The following LRRFIP1 variants were observed in gnomAD, a reference collection of about 807,000 sequenced individuals.
The protein encoded by LRRFIP1 is LRR binding FLII interacting protein 1, also known as leucine-rich repeat flightless-interacting protein 1.
A neutral mutation model predicts 104.4 loss-of-function variants in LRRFIP1; 62 were observed. That is an observed-to-expected ratio of 0.59 (90% CI 0.48 to 0.73). The LOEUF is 0.73. Among genes scored for constraint, LRRFIP1 ranks in the 30% least tolerant of loss-of-function variants. LRRFIP1 has a pLI of 0.00. For synonymous variants in LRRFIP1, 300 were observed against 299.0 expected, an observed-to-expected ratio of 1.00 and a Z score of -0.03; for missense variants, 796 against 824.5, an observed-to-expected ratio of 0.97 and a Z score of 0.42.
chr2:237,732,362 G>T (rs938895190), intron 8 of LRRFIP1, among the ~76,000 whole-genome samples: 4 of 152,214 alleles, frequency 2.6e-5, no homozygotes, highest in Non-Finnish European at 5.9e-5. Flanking sequence ...TGGGCTTGCC[G>T]GTGGTGGCCT....
intron 20 of LRRFIP1, chr2:237,770,269 TTAAAA>T (rs1264611076): frequency 5.4e-6 from 2 of 373,004 alleles, no homozygotes; most frequent in Non-Finnish European, 9.9e-6. Context: ...GAATTGCTGC[TTAAAA>T]TAAATATAAA....
At chr2:237,632,789 GGA>G (rs138662600) in intron 1 of LRRFIP1, among the ~76,000 whole-genome samples, 60,694 of 151,816 alleles carry the variant, frequency 0.4, 12,501 homozygotes, top group South Asian at 0.45. Flanking sequence ...GGAGAGTCCA[GGA>G]CTGAGCCCAG....
Position 237,661,325 on chromosome 2 carries a change from G to T in LRRFIP1, c.96+33585G>T, listed in dbSNP as rs2087901489. On this transcript the variant is annotated intron_variant, in intron 1 of 23. Transcript: ENST00000308482. This position sits in a 1 kb window ranked among gnomAD's most constrained non-coding sequence, Gnocchi z 4.4. ...CAGTGGGGTGGGCCACATAATGGAG[G>T]CTGGACTGTGTGTCCAGTCCACCCA... Among the ~76,000 whole-genome samples, 1 of 152,134 alleles carries T rather than the reference G, an allele frequency of 6.6e-6. No homozygotes were observed. The highest frequency in any genetic ancestry group is 1.5e-5 in the Non-Finnish European group (1 of 68,020).
At chr2:237,662,302 T>C (rs1214338235) in intron 1 of LRRFIP1, among the ~76,000 whole-genome samples, 2 of 152,208 alleles carry the variant, frequency 1.3e-5, no homozygotes, top group Non-Finnish European at 2.9e-5. Context: ...CGACCTCATC[T>C]TAACTTGATT....
At chr2:237,746,494 G>A (rs2057878699) in intron 11 of LRRFIP1, among the ~76,000 whole-genome samples, 1 of 152,176 alleles carries the variant, frequency 6.6e-6, no homozygotes, top group Non-Finnish European at 1.5e-5. Flanking sequence ...CAAATGAGAT[G>A]GTGCCCATCT....
chr2:237,630,092 C>G (rs2082138295), intron 1 of LRRFIP1, among the ~76,000 whole-genome samples: 1 of 152,174 alleles, frequency 6.6e-6, no homozygotes, highest in Non-Finnish European at 1.5e-5. Flanking sequence ...AATATGAGAG[C>G]TTCTTACACG....
In LRRFIP1 at chr2:237,720,557, C is replaced by T. The variant is rs111761451; in HGVS notation, c.295-215C>T. The stretch of plus-strand genomic sequence containing the variant: ...GACACCACACCTGGCCCTGAAATTA[C>T]TTTAAATCCATATTGCCCATAAGCA... On this transcript the variant is annotated intron_variant, in intron 5 of 23. Coordinates refer to ENST00000308482, the MANE Select transcript of LRRFIP1 (RefSeq NM_001137550.2). Among the ~76,000 whole-genome samples, 1,339 of 152,264 alleles carry T rather than the reference C, an allele frequency of 8.8e-3. 19 individuals are homozygous for T. Among genetic ancestry groups the T allele is most frequent in the African/African-American group, 0.03 (1,243 of 41,536 alleles).
intron 1 of LRRFIP1, among the ~76,000 whole-genome samples, chr2:237,653,684 G>A (rs1050800796): frequency 6.6e-6 from 1 of 152,112 alleles, no homozygotes; most frequent in Non-Finnish European, 1.5e-5. Context: ...GAAGAATAGC[G>A]AGCCCAGAAA....
intron 8 of LRRFIP1, among the ~76,000 whole-genome samples, chr2:237,730,205 A>G (rs1305665775): frequency 6.6e-6 from 1 of 152,268 alleles, no homozygotes; most frequent in Non-Finnish European, 1.5e-5. Context: ...ACTACTTTGA[A>G]GAGTACATGC....
At chr2:237,632,299 G>T (rs2082488846) in intron 1 of LRRFIP1, among the ~76,000 whole-genome samples, 1 of 152,220 alleles carries the variant, frequency 6.6e-6, no homozygotes, top group African/African-American at 2.4e-5. Flanking sequence ...GTCACAAAAT[G>T]TCCCCCAGGC....
chr2:237,674,759 C>A (rs1261871177), intron 1 of LRRFIP1, among the ~76,000 whole-genome samples: 2 of 152,236 alleles, frequency 1.3e-5, no homozygotes, highest in East Asian at 3.8e-4. Context: ...GTGACCTCAG[C>A]ACCAATAGAA....
intron 9 of LRRFIP1, 108 bp downstream of exon 9, chr2:237,733,926 A>T (rs983931323): frequency 1.7e-5 from 20 of 1,186,760 alleles, no homozygotes; most frequent in Admixed American, 1.1e-4. Context: ...CCCTGGGGGA[A>T]GTTGCACCTT....
At chr2:237,697,465 C>T (rs1424162735) in intron 1 of LRRFIP1, among the ~76,000 whole-genome samples, 1 of 152,130 alleles carries the variant, frequency 6.6e-6, no homozygotes, top group Non-Finnish European at 1.5e-5. Context: ...TGATTTAAGC[C>T]TTTTTATTTT....
chr2:237,692,710 C>T (rs1463843182), intron 1 of LRRFIP1, among the ~76,000 whole-genome samples: 1 of 152,088 alleles, frequency 6.6e-6, no homozygotes. Context: ...GAGCGGCGTC[C>T]CTCATGCGCT....
chr2:237,772,763 T>C, intron 21 of LRRFIP1, 103 bp from the exon 22 acceptor site: 1 of 793,002 alleles, frequency 1.3e-6, no homozygotes, highest in East Asian at 2.5e-5. Flanking sequence ...CTAACAGATT[T>C]GTGAGATGAT....
rs945576064 is a variant in LRRFIP1, at chr2:237,766,355, C to T, written c.1460-3588C>T. ...TAAGTCCAAGGGCTCTATAGGACTT[C>T]ACAGGGTTTTAGTTTATGTCTCTAA... On this transcript the variant is annotated intron_variant, in intron 19 of 23. Coordinates refer to ENST00000308482, the MANE Select transcript of LRRFIP1 (RefSeq NM_001137550.2). The surrounding 1 kb of genome is among the most constrained non-coding windows in gnomAD (Gnocchi z 4.8). Among the ~76,000 whole-genome samples, 1 of 152,138 alleles carries T rather than the reference C, an allele frequency of 6.6e-6. No homozygotes were observed. The highest frequency in any genetic ancestry group is 1.9e-4 in the East Asian group (1 of 5,178).
At chr2:237,732,847 G>C (rs1559713718) in intron 8 of LRRFIP1, among the ~76,000 whole-genome samples, 1 of 152,218 alleles carries the variant, frequency 6.6e-6, no homozygotes, top group East Asian at 1.9e-4. Context: ...GAAGTGGACA[G>C]AACAGTGTTA....
Position 237,717,901 on chromosome 2 carries a change from A to G in LRRFIP1, c.249+92A>G, listed in dbSNP as rs1364458717. ...ATGGTTTATAATGTAATTCTTACGC[A>G]GTTTAACTATGTAGATAGATTCCTA... On this transcript the variant is annotated intron_variant, in intron 4 of 23. Coordinates refer to ENST00000308482, the MANE Select transcript of LRRFIP1 (RefSeq NM_001137550.2). This position sits in a 1 kb window ranked among gnomAD's most constrained non-coding sequence, Gnocchi z 4.2. The G allele has an allele frequency of 7.0e-6, 7 of 997,890 alleles. No individual in the cohort carries two copies. The highest frequency in any genetic ancestry group is 1.1e-5 in the Non-Finnish European group (7 of 617,412). The allele number at this position is 997,890 out of a possible 1,614,324, so 61.8% of individuals were successfully genotyped here. A position where few individuals can be genotyped will look rare whatever the true frequency, so the allele number is the denominator to read the frequency against.
intron 19 of LRRFIP1, among the ~76,000 whole-genome samples, chr2:237,760,583 A>C (rs923578659): frequency 2.0e-5 from 3 of 152,234 alleles, no homozygotes; most frequent in African/African-American, 7.2e-5. Context: ...AACCGATTCT[A>C]TGACAGAATT....
Sources: allele counts gnomAD v4.1 joint callset (sites outside exome capture counted in the v4.1 genomes callset), GRCh38; gene constraint gnomAD v4.1.1; non-coding constraint Gnocchi (gnomAD v3.1); transcripts MANE v1.5; gene names NCBI Gene and HGNC (gene_info 2026-07-23, HGNC 2026-07-21).